MGRN1: variants seen among roughly 807,000 people sequenced by gnomAD.
The protein encoded by MGRN1 is mahogunin ring finger 1.
MGRN1 carries 29 observed loss-of-function variants against 69.2 expected under a neutral mutation model. The ratio of observed to expected loss-of-function variants is 0.42; its 90% CI spans 0.31 to 0.57. The LOEUF (loss-of-function observed/expected upper bound fraction) is 0.57, where lower values mean the gene tolerates loss of function less well. Among genes scored for constraint, MGRN1 ranks in the 20% least tolerant of loss-of-function variants. The pLI is 0.15. For synonymous variants in MGRN1, 470 were observed against 344.2 expected, an observed-to-expected ratio of 1.37 and a Z score of -4.04; for missense variants, 998 against 796.2, an observed-to-expected ratio of 1.25 and a Z score of -3.05.
chr16:4,679,881 A>T, intron 11 of MGRN1, 151 bp from the exon 12 acceptor site: 2 of 731,606 alleles, frequency 2.7e-6, no homozygotes, highest in Non-Finnish European at 4.6e-6. Context: ...GTCAACCCTC[A>T]CTTAGGACAG....
intron 16 of MGRN1, chr16:4,687,659 C>T (rs752180481): frequency 5.9e-5 from 58 of 984,492 alleles, no homozygotes; most frequent in Non-Finnish European, 6.6e-5. Flanking sequence ...TGTAGGCAGA[C>T]GGATTGGGGA....
intron 1 of MGRN1, among the ~76,000 whole-genome samples, chr16:4,626,926 C>G (rs1049335676): frequency 3.3e-5 from 5 of 152,240 alleles, no homozygotes; most frequent in Admixed American, 6.5e-5. Context: ...CACAGGTCCT[C>G]TCCAGCTGTG....
At chr16:4,674,727 G>A (rs1464632693) in intron 10 of MGRN1, among the ~76,000 whole-genome samples, 14 of 126,794 alleles carry the variant, frequency 1.1e-4, no homozygotes, top group African/African-American at 3.6e-4. Flanking sequence ...TGCAAGCTCC[G>A]CTTCCCGGGT....
chr16:4,684,422 G>C (rs966820628), intron 16 of MGRN1, among the ~76,000 whole-genome samples: 1 of 152,234 alleles, frequency 6.6e-6, no homozygotes, highest in African/African-American at 2.4e-5. Flanking sequence ...ACCACACGCT[G>C]TGCTGGGTAG....
intron 1 of MGRN1, among the ~76,000 whole-genome samples, chr16:4,635,257 C>CA (rs1042030206): frequency 1.2e-3 from 171 of 145,130 alleles, no homozygotes; most frequent in Middle Eastern, 7.1e-3. Context: ...ACTAAAAATC[C>CA]AAAAAAAAAA....
intron 1 of MGRN1, among the ~76,000 whole-genome samples, chr16:4,635,832 G>C (rs1445820809): frequency 6.9e-6 from 1 of 143,924 alleles, no homozygotes; most frequent in African/African-American, 2.6e-5. Flanking sequence ...TATATTTAGT[G>C]GAGATGTGGT....
chr16:4,673,711 C>T, intron 10 of MGRN1, 54 bp downstream of exon 10: 5 of 1,594,284 alleles, frequency 3.1e-6, no homozygotes, highest in Non-Finnish European at 4.3e-6. Context: ...AGGGACTGGC[C>T]ACACCACGGT....
intron 1 of MGRN1, among the ~76,000 whole-genome samples, chr16:4,643,050 A>C (rs189298219): frequency 2.1e-3 from 315 of 152,070 alleles, no homozygotes; most frequent in African/African-American, 7.2e-3. Flanking sequence ...CTGCCTCCCA[A>C]GTTCAAGCGA....
chr16:4,687,233 G>A, intron 16 of MGRN1: 1 of 985,374 alleles, frequency 1.0e-6, no homozygotes, highest in Non-Finnish European at 1.2e-6. Flanking sequence ...CCCTCTACCA[G>A]GGTGGCCCAG....
At position 4,677,570 on chromosome 16, in the gene MGRN1, T is replaced by G; in HGVS notation, c.1063T>G (p.Ser355Ala). 1 of 1,599,414 alleles carries G rather than the reference T, an allele frequency of 6.3e-7. No homozygotes were observed. Among genetic ancestry groups the G allele is most frequent in the East Asian group, 2.2e-5 (1 of 44,798 alleles). ...CCAGAGCCTGGAGCATGATGAGCAC[T>G]CTGTAAGTGCCGCCTCCTGCCTGCG... Reference protein sequence around the residue: ...LAQSLEHDEHSCPFKKSKPHP... With the variant: ...LAQSLEHDEHACPFKKSKPHP... Residue 355 changes from serine to alanine, a missense_variant and splice_region_variant, in exon 11 of 17, where the codon TCT becomes GCT. Coordinates refer to ENST00000262370, the MANE Select transcript of MGRN1 (RefSeq NM_015246.4).
intron 14 of MGRN1, 86 bp downstream of exon 14, chr16:4,683,032 T>C: frequency 6.8e-7 from 1 of 1,480,876 alleles, no homozygotes. Context: ...CCCATCCCAC[T>C]GCCCGCCTGG....
chr16:4,673,692 C>A (rs779336313), intron 10 of MGRN1, 35 bp downstream of exon 10: 3 of 1,607,240 alleles, frequency 1.9e-6, no homozygotes, highest in Middle Eastern at 1.6e-4. Flanking sequence ...GTGGAAGGTT[C>A]TGGAAATTAG....
rs772051263 is a variant in MGRN1, at chr16:4,624,930, C to G, written c.-31C>G. On this transcript the variant is annotated 5_prime_UTR_variant, in exon 1 of 17. Transcript: ENST00000262370. ...CGCTGTCGCCGCTCCCGTTCCGGCC[C>G]TGGCCCCTCTGCCCGGCAGCGCCGC... 2.0e-6 allele frequency: 3 copies of G among 1,509,230 alleles called. No homozygotes were observed. Among genetic ancestry groups the G allele is most frequent in the Non-Finnish European group, 1.8e-6 (2 of 1,128,936 alleles). The allele number at this position is 1,509,230 out of a possible 1,614,324, so 93.5% of individuals were successfully genotyped here. A position where few individuals can be genotyped will look rare whatever the true frequency, so the allele number is the denominator to read the frequency against.
chr16:4,650,196 G>A (rs549644628), intron 1 of MGRN1, 169 bp from the exon 2 acceptor site: 13 of 530,532 alleles, frequency 2.5e-5, no homozygotes, highest in East Asian at 1.0e-4. Context: ...CCAGCTACTC[G>A]GGAGGCTGAG....
At chr16:4,658,387 T>G (rs1363483114) in intron 5 of MGRN1, among the ~76,000 whole-genome samples, 1 of 151,614 alleles carries the variant, frequency 6.6e-6, no homozygotes, top group Non-Finnish European at 1.5e-5. Flanking sequence ...TACAAAAAAA[T>G]TACCCGGGTG....
chr16:4,668,831 TACCC>T (rs1375286144), intron 8 of MGRN1, among the ~76,000 whole-genome samples: 1 of 151,456 alleles, frequency 6.6e-6, no homozygotes, highest in African/African-American at 2.4e-5. Context: ...CTCATACACA[TACCC>T]ACACATATAC....
rs1596325462 is a variant in MGRN1 at position 4,689,119 on chromosome 16, A to T, written c.*211A>T. 9.7e-6 allele frequency: 6 copies of T among 618,004 alleles called. No individual in the cohort carries two copies. The Admixed American group carries it at 1.0e-4, about 11-fold the overall frequency. 38.3% of individuals were successfully genotyped at this position (618,004 alleles called of 1,614,324 possible). A position where few individuals can be genotyped will look rare whatever the true frequency, so the allele number is the denominator to read the frequency against. On this transcript the variant is annotated 3_prime_UTR_variant, in exon 17 of 17. Coordinates refer to ENST00000262370, the MANE Select transcript of MGRN1 (RefSeq NM_015246.4). ...CAGTTGATATATTTGTAACTGGTAC[A>T]AGATGAAGGACAGCAGCTTTCCATC...
chr16:4,633,909 G>A (rs1898144034), intron 1 of MGRN1: 1 of 152,068 alleles, frequency 6.6e-6, no homozygotes, highest in Non-Finnish European at 1.5e-5. Context: ...AGTAGAGACG[G>A]GGTTTCACCG....
At chr16:4,660,897 T>G (rs1684621) in intron 5 of MGRN1, among the ~76,000 whole-genome samples, 92,061 of 152,110 alleles carry the variant, frequency 0.61, 28,372 homozygotes, top group East Asian at 0.91. Flanking sequence ...CAGGTGTCTG[T>G]GGTATCCCTC....
Sources: allele counts gnomAD v4.1 joint callset (sites outside exome capture counted in the v4.1 genomes callset), GRCh38; gene constraint gnomAD v4.1.1; transcripts MANE v1.5; gene names NCBI Gene and HGNC (gene_info 2026-07-23, HGNC 2026-07-21).